The following CDH2 variants were observed in gnomAD, a reference collection of about 807,000 sequenced individuals.
CDH2 encodes the protein cadherin-2.
Under a neutral mutation model 92.0 loss-of-function variants are expected in CDH2, and 17 were observed. The ratio of observed to expected loss-of-function variants is 0.18; its 90% CI spans 0.13 to 0.28. CDH2 has a LOEUF of 0.28. Ranked by LOEUF, CDH2 falls within the 10% of genes least tolerant of loss-of-function variation. CDH2 has a pLI of 1.00. For synonymous variants in CDH2, 419 were observed against 415.9 expected (o/e 1.01, Z -0.09); for missense variants, 862 against 1,133.1 (o/e 0.76, Z 3.44).
intron 5 of CDH2, among the ~76,000 whole-genome samples, chr18:28,007,561 C>T (rs1470448437): frequency 2.6e-5 from 4 of 152,018 alleles, no homozygotes; most frequent in Admixed American, 2.6e-4. Flanking sequence ...CATTCAATAC[C>T]TATAGAGATA....
intron 1 of CDH2, among the ~76,000 whole-genome samples, chr18:28,156,598 C>A (rs4068903): frequency 0.11 from 2,077 of 18,098 alleles, 169 homozygotes; most frequent in Middle Eastern, 0.31. Flanking sequence ...CCAGGTACAG[C>A]ATGTCACCTT....
intron 2 of CDH2, among the ~76,000 whole-genome samples, chr18:28,054,693 G>C (rs560790541): frequency 6.6e-6 from 1 of 152,076 alleles, no homozygotes; most frequent in Admixed American, 6.6e-5. Flanking sequence ...TGGAAGCCCC[G>C]AAAGACTTTA....
chr18:28,159,591 C>G (rs570089029), intron 1 of CDH2, among the ~76,000 whole-genome samples: 1 of 151,634 alleles, frequency 6.6e-6, no homozygotes, highest in African/African-American at 2.4e-5. Context: ...GAAGAAAGTA[C>G]TCATGGAGGA....
At chr18:27,970,250 G>C (rs77469938) in intron 14 of CDH2, among the ~76,000 whole-genome samples, 2,503 of 152,214 alleles carry the variant, frequency 0.016, 31 homozygotes, top group Non-Finnish European at 0.027. Flanking sequence ...CCAAGCCACT[G>C]TCTGTCTTGG....
At chr18:27,967,096 T>C (rs2011550638) in intron 14 of CDH2, among the ~76,000 whole-genome samples, 1 of 152,148 alleles carries the variant, frequency 6.6e-6, no homozygotes, top group Non-Finnish European at 1.5e-5. Flanking sequence ...TCCACGGTGA[T>C]GGTGTCCACA....
intron 14 of CDH2, among the ~76,000 whole-genome samples, chr18:27,968,897 G>T (rs1014406145): frequency 1.3e-5 from 2 of 152,152 alleles, no homozygotes; most frequent in Admixed American, 6.5e-5. Context: ...GACACAAAAA[G>T]AAATGGAAGG....
At chr18:28,137,127 A>G (rs1324698600) in intron 2 of CDH2, among the ~76,000 whole-genome samples, 1 of 152,222 alleles carries the variant, frequency 6.6e-6, no homozygotes, top group Non-Finnish European at 1.5e-5. Context: ...AAATCTGATG[A>G]GTCCATATGT....
At chr18:28,081,171 G>A (rs376346891) in intron 2 of CDH2, among the ~76,000 whole-genome samples, 5 of 152,296 alleles carry the variant, frequency 3.3e-5, no homozygotes, top group South Asian at 2.1e-4. Context: ...AAGATGTGAT[G>A]CATTCATCTA....
chr18:28,023,789 T>C (rs554886584), intron 2 of CDH2, among the ~76,000 whole-genome samples: 14 of 152,288 alleles, frequency 9.2e-5, no homozygotes, highest in African/African-American at 3.4e-4. Flanking sequence ...ACAATAACTT[T>C]TTAAATTTAA....
At chr18:28,049,928 G>A (rs1256999786) in intron 2 of CDH2, among the ~76,000 whole-genome samples, 2 of 152,172 alleles carry the variant, frequency 1.3e-5, no homozygotes, top group Non-Finnish European at 2.9e-5. Context: ...TGGCCACTGG[G>A]ATGTTGGTGG....
chr18:27,987,349 T>A (rs2012268695), intron 11 of CDH2, among the ~76,000 whole-genome samples: 1 of 152,038 alleles, frequency 6.6e-6, no homozygotes, highest in Non-Finnish European at 1.5e-5. Context: ...AAACAAGAGG[T>A]CCCATATTAA....
chr18:28,158,539 G>A (rs1159671495), intron 1 of CDH2, among the ~76,000 whole-genome samples: 2 of 152,180 alleles, frequency 1.3e-5, no homozygotes, highest in Non-Finnish European at 2.9e-5. Flanking sequence ...TCCATGGGAA[G>A]GCACTCTGCT....
At chr18:28,125,778 G>T (rs2015667594) in intron 2 of CDH2, among the ~76,000 whole-genome samples, 1 of 152,028 alleles carries the variant, frequency 6.6e-6, no homozygotes, top group African/African-American at 2.4e-5. Flanking sequence ...TTTCAATAAA[G>T]AAACTGAAGG....
chr18:28,095,960 T>G (rs921055199), intron 2 of CDH2, among the ~76,000 whole-genome samples: 1 of 152,184 alleles, frequency 6.6e-6, no homozygotes, highest in Non-Finnish European at 1.5e-5. Flanking sequence ...GCACGAATTA[T>G]GGTGCATCCT....
chr18:28,041,516 C>A (rs545688507), intron 2 of CDH2, among the ~76,000 whole-genome samples: 1 of 152,324 alleles, frequency 6.6e-6, no homozygotes, highest in African/African-American at 2.4e-5. Context: ...GAACAGTCAG[C>A]AGGCAACTGT....
intron 2 of CDH2, among the ~76,000 whole-genome samples, chr18:28,143,237 A>C (rs1027753644): frequency 6.6e-6 from 1 of 152,052 alleles, no homozygotes; most frequent in African/African-American, 2.4e-5. Context: ...AACACACAGA[A>C]TATCACTCTT....
intron 2 of CDH2, among the ~76,000 whole-genome samples, chr18:28,053,132 C>T (rs1430214856): frequency 1.3e-5 from 2 of 152,052 alleles, no homozygotes; most frequent in Non-Finnish European, 1.5e-5. Context: ...GACTTCCAGC[C>T]TTTAGAACTA....
intron 2 of CDH2, among the ~76,000 whole-genome samples, chr18:28,034,127 T>C (rs533190566): frequency 7.9e-5 from 12 of 152,234 alleles, no homozygotes; most frequent in East Asian, 7.7e-4. Flanking sequence ...AACCGAGTTA[T>C]GGTCGTGGTT....
Position 28,013,940 on chromosome 18 carries a change from A to G in CDH2, c.173-31T>C, listed in dbSNP as rs200455275. The G allele has an allele frequency of 1.9e-6, 3 of 1,545,984 alleles. No individual in the cohort carries two copies. The South Asian group carries it at 3.4e-5, about 18-fold the overall frequency. On this transcript the variant is annotated intron_variant, in intron 2 of 15. Coordinates refer to ENST00000269141, the MANE Select transcript of CDH2 (RefSeq NM_001792.5). The stretch of plus-strand genomic sequence containing the variant: ...AAAGATAAGAAATAGGTCAGTTATT[A>G]TAATTATACCAAAAAGGCAAAAAAA...
Sources: allele counts gnomAD v4.1 joint callset (sites outside exome capture counted in the v4.1 genomes callset), GRCh38; gene constraint gnomAD v4.1.1; transcripts MANE v1.5; gene names NCBI Gene and HGNC (gene_info 2026-07-23, HGNC 2026-07-21).